Variants in URI1 observed in about 807,000 individuals in gnomAD.
The protein encoded by URI1 is URI1 prefoldin like chaperone, also known as unconventional prefoldin RPB5 interactor 1.
In URI1, 39 loss-of-function variants were observed where a neutral mutation model predicts 60.2. The observed-to-expected ratio is 0.65, with a 90% confidence interval of 0.50 to 0.85. The LOEUF (loss-of-function observed/expected upper bound fraction) is 0.85. Ranked by LOEUF, URI1 falls within the 40% of genes least tolerant of loss-of-function variation. URI1 has a pLI of 0.00. For missense variants in URI1, 691 were observed against 665.9 expected, an observed-to-expected ratio of 1.04 and a Z score of -0.42; for synonymous variants, 251 against 236.8, an observed-to-expected ratio of 1.06 and a Z score of -0.55.
chr19:29,978,731 A>C (rs1008914476), intron 2 of URI1, among the ~76,000 whole-genome samples: 1 of 152,206 alleles, frequency 6.6e-6, no homozygotes, highest in African/African-American at 2.4e-5. Context: ...GCTGTGAAAA[A>C]TGGAGGCATG....
At chr19:29,977,221 A>G (rs888095772) in intron 2 of URI1, among the ~76,000 whole-genome samples, 2 of 151,708 alleles carry the variant, frequency 1.3e-5, no homozygotes, top group African/African-American at 2.4e-5. Flanking sequence ...ATATCTGTCT[A>G]TATGTCTCAT....
chr19:29,975,944 G>A (rs940636705), intron 2 of URI1, among the ~76,000 whole-genome samples: 3 of 151,950 alleles, frequency 2.0e-5, no homozygotes, highest in African/African-American at 4.8e-5. Flanking sequence ...GTTTATATAC[G>A]GCTCCCATCC....
chr19:29,962,421 T>A lies in URI1; in HGVS notation c.118-8772T>A, dbSNP rs867900801. Among the ~76,000 whole-genome samples, 81 of 112,002 alleles carry A rather than the reference T, an allele frequency of 7.2e-4. No homozygotes were observed. In the Middle Eastern group the frequency reaches 0.039, roughly 54 times the overall value. 73.5% of individuals were successfully genotyped at this position (112,002 alleles called of 152,430 possible). The stretch of plus-strand genomic sequence containing the variant: ...TAGTATCTTTTTTTTTTTTTTTTTT[T>A]ACAATTCCTTTTCACTAAGTAAGTC... On this transcript the variant is annotated intron_variant, in intron 1 of 10. Coordinates refer to ENST00000392271, the MANE Select transcript of URI1 (RefSeq NM_003796.3).
At chr19:29,992,702 G>A (rs1387694754) in intron 4 of URI1, among the ~76,000 whole-genome samples, 3 of 152,068 alleles carry the variant, frequency 2.0e-5, no homozygotes, top group Non-Finnish European at 2.9e-5. Flanking sequence ...TCTTTTTTAC[G>A]TTAGAGAGCA....
chr19:29,986,469 A>G (rs537016379), intron 4 of URI1, 52 bp downstream of exon 4: 2 of 1,568,000 alleles, frequency 1.3e-6, no homozygotes, highest in East Asian at 4.8e-5. Flanking sequence ...ATCCATTCAC[A>G]GATTGCCAAG....
chr19:29,965,594 C>T (rs1300394881), intron 1 of URI1, among the ~76,000 whole-genome samples: 1 of 152,034 alleles, frequency 6.6e-6, no homozygotes, highest in Non-Finnish European at 1.5e-5. Flanking sequence ...ACTACATGGC[C>T]CTACCTCATG....
chr19:29,927,984 T>C (rs759697623), intron 1 of URI1, among the ~76,000 whole-genome samples: 6 of 152,088 alleles, frequency 3.9e-5, no homozygotes, highest in Admixed American at 6.5e-5. Context: ...GAAAAGGCCA[T>C]GCCACTTCTG....
At chr19:29,950,566 T>G (rs1373010114) in intron 1 of URI1, among the ~76,000 whole-genome samples, 1 of 152,216 alleles carries the variant, frequency 6.6e-6, no homozygotes, top group African/African-American at 2.4e-5. Flanking sequence ...TATTCCTTTT[T>G]TTTCCCTTTT....
chr19:29,953,525 G>A (rs8103066), intron 1 of URI1, among the ~76,000 whole-genome samples: 12,343 of 152,176 alleles, frequency 0.081, 704 homozygotes, highest in East Asian at 0.22. Context: ...TATTGAAAGC[G>A]AAAAGCAGAG....
intron 2 of URI1, among the ~76,000 whole-genome samples, chr19:29,982,818 G>A (rs1010407467): frequency 6.6e-6 from 1 of 152,166 alleles, no homozygotes; most frequent in African/African-American, 2.4e-5. Flanking sequence ...AAAAAAATGA[G>A]TTTTGAGTTT....
chr19:29,945,420 G>A (rs1354740991), intron 1 of URI1, among the ~76,000 whole-genome samples: 2 of 152,094 alleles, frequency 1.3e-5, no homozygotes, highest in Non-Finnish European at 2.9e-5. Context: ...GGAATAAAAA[G>A]GACAAAAAAT....
At chr19:29,976,634 C>T (rs1392045334) in intron 2 of URI1, among the ~76,000 whole-genome samples, 4 of 152,132 alleles carry the variant, frequency 2.6e-5, no homozygotes, top group African/African-American at 4.8e-5. Context: ...TGAATAGGTC[C>T]TACACACACA....
intron 1 of URI1, among the ~76,000 whole-genome samples, chr19:29,954,273 C>G (rs1164854612): frequency 6.6e-6 from 1 of 152,166 alleles, no homozygotes; most frequent in Non-Finnish European, 1.5e-5. Flanking sequence ...TTGGGGTGTA[C>G]AGTTAGGGTA....
At chr19:30,007,943 AAT>A (rs2055966132) in intron 7 of URI1, among the ~76,000 whole-genome samples, 1 of 152,078 alleles carries the variant, frequency 6.6e-6, no homozygotes, top group Admixed American at 6.6e-5. Context: ...GACTTTTAAT[AAT>A]CATGGATTTA....
At chr19:29,964,123 C>T (rs1430830094) in intron 1 of URI1, among the ~76,000 whole-genome samples, 1 of 152,168 alleles carries the variant, frequency 6.6e-6, no homozygotes, top group Non-Finnish European at 1.5e-5. Context: ...CAACATAATT[C>T]TCAGCCTCTT....
At position 30,014,930 on chromosome 19, in the gene URI1, C is replaced by T. The variant is rs919984169; in HGVS notation, c.1469C>T (p.Ser490Phe). ...TVIEKEFVSP[S>F]LTPPPAIAHP... ...ATAGAAAAAGAATTTGTATCACCTTCCTTAACACCACCCCCAGCCATTGCT... is the reference window on the plus strand; with the variant it reads ...ATAGAAAAAGAATTTGTATCACCTTTCTTAACACCACCCCCAGCCATTGCT... Residue 490 changes from serine (S) to phenylalanine (F), a missense_variant, in exon 11 of 11, where the codon TCC becomes TTC. Transcript: ENST00000392271. 1.2e-6 allele frequency: 2 copies of T among 1,613,586 alleles called. No individual in the cohort carries two copies. The highest frequency in any genetic ancestry group is 2.2e-5 in the East Asian group (1 of 44,868).
chr19:29,964,857 T>G lies in URI1; in HGVS notation c.118-6336T>G, dbSNP rs1047337977. On this transcript the variant is annotated intron_variant, in intron 1 of 10. Coordinates refer to ENST00000392271, the MANE Select transcript of URI1 (RefSeq NM_003796.3). Reference sequence around the variant, plus strand: ...GTTACCTGGGAGTATATTTTCCTGTTTTTTTTTTTTTTTCTTCTACTTGTA... The same window carrying G: ...GTTACCTGGGAGTATATTTTCCTGTGTTTTTTTTTTTTTCTTCTACTTGTA... Among the ~76,000 whole-genome samples, 224 of 147,410 alleles carry G rather than the reference T, an allele frequency of 1.5e-3. 1 individual carries two copies. Among genetic ancestry groups the G allele is most frequent in the African/African-American group, 5.2e-3 (214 of 40,830 alleles).
At chr19:29,952,297 C>T (rs1393449363) in intron 1 of URI1, among the ~76,000 whole-genome samples, 1 of 152,158 alleles carries the variant, frequency 6.6e-6, no homozygotes, top group Admixed American at 6.5e-5. Flanking sequence ...AGAATACTGC[C>T]ACATGTCCTC....
chr19:29,970,608 G>C (rs1051311995), intron 1 of URI1, among the ~76,000 whole-genome samples: 1 of 151,944 alleles, frequency 6.6e-6, no homozygotes, highest in Non-Finnish European at 1.5e-5. Context: ...TTACAGTCTT[G>C]ATCATAATTC....
Sources: gnomAD v4.1 joint callset for allele counts (sites outside exome capture counted in the v4.1 genomes callset) on GRCh38, gnomAD v4.1.1 for gene constraint, MANE v1.5 for transcripts, NCBI Gene and HGNC (gene_info 2026-07-23, HGNC 2026-07-21) for gene names.